Variants in PCDHA12 observed in about 807,000 individuals in gnomAD.
The protein encoded by PCDHA12 is protocadherin alpha 12.
PCDHA12 carries 44 observed loss-of-function variants against 60.0 expected under a neutral mutation model. That is an observed-to-expected ratio of 0.73 (90% CI 0.58 to 0.94). The LOEUF (loss-of-function observed/expected upper bound fraction) is 0.94, where lower values mean the gene tolerates loss of function less well. Among genes scored for constraint, PCDHA12 ranks in the 40% least tolerant of loss-of-function variants. The pLI is 0.00. For synonymous variants in PCDHA12, 569 were observed against 553.0 expected, an observed-to-expected ratio of 1.03 and a Z score of -0.40; for missense variants, 1,276 against 1,239.7, an observed-to-expected ratio of 1.03 and a Z score of -0.44.
intron 3 of PCDHA12, among the ~76,000 whole-genome samples, chr5:140,988,142 A>G (rs1017336547): frequency 5.3e-5 from 8 of 152,056 alleles, no homozygotes; most frequent in African/African-American, 1.4e-4. Context: ...AACCTGTTCA[A>G]CCTCAACTTC....
At chr5:140,956,356 T>C (rs1283114496) in intron 1 of PCDHA12, among the ~76,000 whole-genome samples, 3 of 152,218 alleles carry the variant, frequency 2.0e-5, no homozygotes, top group Non-Finnish European at 4.4e-5. Flanking sequence ...ATTTTTAACA[T>C]GAAGGGATGT....
At position 140,876,921 on chromosome 5, in the gene PCDHA12, C is replaced by T. The variant is rs1554169105; in HGVS notation, c.1449C>T (p.Asp483=). The T allele has an allele frequency of 8.1e-6, 13 of 1,613,926 alleles. No individual in the cohort carries two copies. The highest frequency in any genetic ancestry group is 4.5e-5 in the East Asian group (2 of 44,880). The change falls in exon 1 of 4, where the codon GAC becomes GAT. Residue 483 remains aspartate, a synonymous_variant. Transcript: ENST00000398631. ...TCACGGTGTCGGCATGGGACGCGGA[C>T]GCGCAGAAGAACGCGCTGGTGTCCT... ...HIFTVSAWDA[D]AQKNALVSYS... is the part of the protein sequence containing the mutation.
At chr5:140,954,356 CCA>C (rs1251664193) in intron 1 of PCDHA12, among the ~76,000 whole-genome samples, 1 of 152,152 alleles carries the variant, frequency 6.6e-6, no homozygotes, top group Non-Finnish European at 1.5e-5. Flanking sequence ...TGAGGAATCG[CCA>C]CACAGTCTCC....
At chr5:140,969,601 T>C (rs2096345611) in intron 1 of PCDHA12, 1 of 772,836 alleles carries the variant, frequency 1.3e-6, no homozygotes, top group African/African-American at 1.8e-5. Flanking sequence ...TATTTAATGC[T>C]AAAACACAGA....
At chr5:140,990,662 T>C (rs1554251660) in intron 3 of PCDHA12, among the ~76,000 whole-genome samples, 1 of 152,182 alleles carries the variant, frequency 6.6e-6, no homozygotes, top group African/African-American at 2.4e-5. Context: ...ATGATTTACA[T>C]TAGATGCACA....
At chr5:140,983,165 T>A (rs947834633) in intron 3 of PCDHA12, among the ~76,000 whole-genome samples, 14 of 152,220 alleles carry the variant, frequency 9.2e-5, no homozygotes, top group Admixed American at 4.6e-4. Context: ...TTGCCAAACA[T>A]GACCGCCTCA....
intron 3 of PCDHA12, among the ~76,000 whole-genome samples, chr5:140,986,398 G>A (rs973049448): frequency 7.2e-5 from 11 of 152,174 alleles, no homozygotes; most frequent in African/African-American, 2.4e-4. Flanking sequence ...AGGGCCAGTC[G>A]CTCATGTTAC....
intron 1 of PCDHA12, among the ~76,000 whole-genome samples, chr5:140,935,193 G>A (rs782043966): frequency 3.3e-5 from 5 of 152,122 alleles, no homozygotes; most frequent in Non-Finnish European, 4.4e-5. Flanking sequence ...GTCAGTTGCT[G>A]TTTCTAGGTA....
At chr5:140,927,760 A>G in intron 1 of PCDHA12, 1 of 1,614,206 alleles carries the variant, frequency 6.2e-7, no homozygotes, top group Non-Finnish European at 8.5e-7. Context: ...GCACCCTAAA[A>G]GTGGGGAGGT....
At chr5:140,881,594 A>G (rs1464236535) in intron 1 of PCDHA12, among the ~76,000 whole-genome samples, 7 of 152,244 alleles carry the variant, frequency 4.6e-5, no homozygotes, top group Admixed American at 6.5e-5. Context: ...AGGGAAATTT[A>G]TTAATATGAT....
chr5:140,927,862 G>T, intron 1 of PCDHA12: 1 of 1,614,200 alleles, frequency 6.2e-7, no homozygotes. Context: ...AGCTAGCACC[G>T]CTAAACTGCT....
chr5:140,876,568 G>C lies in PCDHA12; in HGVS notation c.1096G>C (p.Gly366Arg), dbSNP rs1302204057. 1.2e-6 allele frequency: 2 copies of C among 1,614,046 alleles called. No homozygotes were observed. Among genetic ancestry groups the C allele is most frequent in the African/African-American group, 1.3e-5 (1 of 74,922 alleles). The change falls in exon 1 of 4, where the codon GGT (glycine) becomes CGT (arginine). Residue 366 changes from glycine (G) to arginine (R), a missense_variant. Gly to Arg is a moderately radical substitution (Grantham distance 125). Coordinates refer to ENST00000398631, the MANE Select transcript of PCDHA12 (RefSeq NM_018903.4). ...CCCTGTGCAAGAGGATGCTCAGGTG[G>C]GTACCGTCATTGCCCTGATTAGCGT... The part of the protein sequence containing the change: ...SLPVQEDAQV[G>R]TVIALISVSD...
At chr5:140,893,898 C>T (rs2064223960) in intron 1 of PCDHA12, among the ~76,000 whole-genome samples, 9 of 152,114 alleles carry the variant, frequency 5.9e-5, no homozygotes, top group Admixed American at 5.2e-4. Flanking sequence ...GTTACTTTAC[C>T]TTCTGAATTT....
Position 140,882,921 on chromosome 5 carries a change from G to A in PCDHA12, c.2367+5082G>A, listed in dbSNP as rs1554176106. ...TTATTACTGACAGCCAGTGATGGAG[G>A]TAAACCCGAGCTGACTGGCACAGTT... On this transcript the variant is annotated intron_variant, in intron 1 of 3. Coordinates refer to ENST00000398631, the MANE Select transcript of PCDHA12 (RefSeq NM_018903.4). 5.0e-6 allele frequency: 8 copies of A among 1,614,194 alleles called. No individual in the cohort carries two copies. Among genetic ancestry groups the A allele is most frequent in the Non-Finnish European group, 6.8e-6 (8 of 1,180,048 alleles).
chr5:141,007,722 A>G (rs559470783), intron 3 of PCDHA12, among the ~76,000 whole-genome samples: 30 of 152,290 alleles, frequency 2.0e-4, no homozygotes, highest in African/African-American at 6.5e-4. Flanking sequence ...ACCAGGGAGA[A>G]CAAAGGTTAA....
intron 1 of PCDHA12, among the ~76,000 whole-genome samples, chr5:140,952,740 C>T (rs2094790841): frequency 1.3e-5 from 2 of 152,184 alleles, no homozygotes; most frequent in African/African-American, 2.4e-5. Flanking sequence ...TTTTCTCACA[C>T]TGCTATAAAA....
rs543675270 is a variant in PCDHA12 at position 140,877,484 on chromosome 5, A to G, written c.2012A>G (p.Glu671Gly). 2.3e-5 allele frequency: 37 copies of G among 1,613,814 alleles called. No individual in the cohort carries two copies. The highest frequency in any genetic ancestry group is 3.1e-5 in the Non-Finnish European group (36 of 1,179,856). The change falls in exon 1 of 4, where the codon GAG (glutamate) becomes GGG (glycine). Residue 671 changes from glutamate (E) to glycine (G), a missense_variant. Glu to Gly is a moderately conservative substitution (Grantham distance 98). Transcript: ENST00000398631. ...STATVLVSLV[E>G]NGQAPKTSSR... is the part of the protein sequence containing the mutation. ...GCCACGGTGCTGGTGTCGCTGGTGG[A>G]GAACGGCCAGGCCCCAAAGACGTCG...
intron 1 of PCDHA12, chr5:140,926,925 G>C (rs1554203816): frequency 6.4e-7 from 1 of 1,574,118 alleles, no homozygotes; most frequent in South Asian, 1.2e-5. Context: ...TTTTATGTTT[G>C]TGGGTTTCCT....
intron 1 of PCDHA12, among the ~76,000 whole-genome samples, chr5:140,956,217 T>C (rs1554222303): frequency 1.1e-4 from 17 of 152,208 alleles, no homozygotes. Flanking sequence ...GGCATCCTTG[T>C]CTTGTGCTGG....
Sources: gnomAD v4.1 joint callset for allele counts (sites outside exome capture counted in the v4.1 genomes callset) on GRCh38, gnomAD v4.1.1 for gene constraint, MANE v1.5 for transcripts, NCBI Gene and HGNC (gene_info 2026-07-23, HGNC 2026-07-21) for gene names.